Variants in NCKAP5 observed in about 807,000 individuals in gnomAD.
The protein encoded by NCKAP5 is NCK associated protein 5.
NCKAP5 carries 92 observed loss-of-function variants against 167.0 expected under a neutral mutation model. That is an observed-to-expected ratio of 0.55 (90% confidence interval 0.47 to 0.66). NCKAP5 has a LOEUF of 0.66. NCKAP5 is among the 30% of genes least tolerant of loss of function. The probability of loss-of-function intolerance (pLI) is 0.00; values close to 1 mark genes in which losing one functional copy is unlikely to be tolerated. For missense variants in NCKAP5, 2,378 were observed against 2,315.0 expected (o/e 1.03, Z -0.56); for synonymous variants, 891 against 877.4 (o/e 1.02, Z -0.27).
At chr2:132,950,408 G>A (rs894552248) in intron 8 of NCKAP5, among the ~76,000 whole-genome samples, 5 of 152,086 alleles carry the variant, frequency 3.3e-5, no homozygotes, top group Admixed American at 6.5e-5. Context: ...ATTACATGGC[G>A]ATGAGCATGG....
intron 4 of NCKAP5, among the ~76,000 whole-genome samples, chr2:133,232,279 C>G (rs1042372000): frequency 2.8e-4 from 43 of 152,236 alleles, no homozygotes; most frequent in African/African-American, 1.0e-3. Context: ...TGGCAACACT[C>G]TATCTCTAAA....
chr2:132,971,093 C>T (rs560468975), intron 7 of NCKAP5, among the ~76,000 whole-genome samples: 2 of 152,330 alleles, frequency 1.3e-5, no homozygotes, highest in South Asian at 4.1e-4. Flanking sequence ...GTGAAAAATA[C>T]ACGTGTGGCC....
intron 8 of NCKAP5, chr2:132,931,303 C>A (rs1184945924): frequency 1.3e-5 from 2 of 152,124 alleles, no homozygotes; most frequent in African/African-American, 4.8e-5. Context: ...TAATAACAGG[C>A]GAATAGACTA....
intron 8 of NCKAP5, among the ~76,000 whole-genome samples, chr2:132,919,381 G>A (rs1695131581): frequency 6.6e-6 from 1 of 152,112 alleles, no homozygotes; most frequent in African/African-American, 2.4e-5. Context: ...GACTGTGTCT[G>A]TCTATCTTGC....
At chr2:133,132,862 G>A (rs1358638518) in intron 5 of NCKAP5, among the ~76,000 whole-genome samples, 1 of 151,936 alleles carries the variant, frequency 6.6e-6, no homozygotes, top group Non-Finnish European at 1.5e-5. Flanking sequence ...ATTTTTAGTA[G>A]AGACAGGGTT....
At chr2:132,675,621 C>G (rs1018615882) in intron 19 of NCKAP5, among the ~76,000 whole-genome samples, 2 of 152,134 alleles carry the variant, frequency 1.3e-5, no homozygotes, top group Non-Finnish European at 2.9e-5. Flanking sequence ...TTGAGACCCA[C>G]TGGTCTAGAA....
intron 6 of NCKAP5, among the ~76,000 whole-genome samples, chr2:133,017,248 T>C (rs2078369947): frequency 6.6e-6 from 1 of 152,250 alleles, no homozygotes; most frequent in Non-Finnish European, 1.5e-5. Flanking sequence ...CTATTTGCCA[T>C]TAAATTAATC....
chr2:132,790,752 T>C (rs1202621525), intron 12 of NCKAP5, among the ~76,000 whole-genome samples: 2 of 152,224 alleles, frequency 1.3e-5, no homozygotes, highest in Non-Finnish European at 2.9e-5. Context: ...AAGGAAATCA[T>C]GATACTATTG....
chr2:132,846,949 A>G (rs778518173), intron 11 of NCKAP5, among the ~76,000 whole-genome samples: 5 of 130,170 alleles, frequency 3.8e-5, no homozygotes, highest in Non-Finnish European at 5.9e-5. Context: ...TATTTCATTA[A>G]TTAAGTAAAT....
intron 5 of NCKAP5, among the ~76,000 whole-genome samples, chr2:133,148,879 G>T (rs1426642913): frequency 6.6e-6 from 1 of 152,078 alleles, no homozygotes; most frequent in African/African-American, 2.4e-5. Context: ...CGAATTTTGG[G>T]AGGACACAAA....
chr2:132,783,534 T>C lies in NCKAP5; in HGVS notation c.3277A>G (p.Asn1093Asp). The change falls in exon 14 of 20, where the codon AAT becomes GAT. Residue 1093 changes from asparagine (N) to aspartate (D), a missense_variant. Transcript: ENST00000409261. ...TTGGGGGGTGTGGAGGCGCTATCAT[T>C]CAATTGTCCTTTTCTCCCTGGAGAT... The part of the protein sequence containing the change: ...SVSPGRKGQL[N>D]DSASTPPKPS... 1.2e-6 allele frequency: 2 copies of C among 1,613,636 alleles called. No homozygotes were observed. The highest frequency in any genetic ancestry group is 1.7e-6 in the Non-Finnish European group (2 of 1,179,762).
At chr2:133,526,165 G>GAGGGAGGAAGGA (rs1468279152) in intron 2 of NCKAP5, among the ~76,000 whole-genome samples, 6 of 69,874 alleles carry the variant, frequency 8.6e-5, no homozygotes, top group African/African-American at 3.5e-4. Flanking sequence ...GAAAGGGAAT[G>GAGGGAGGAAGGA]AGGAAGGAAG....
intron 8 of NCKAP5, among the ~76,000 whole-genome samples, chr2:132,920,802 T>TATAC (rs1170026894): frequency 9.5e-6 from 1 of 105,358 alleles, no homozygotes; most frequent in Non-Finnish European, 1.9e-5. Flanking sequence ...TATATATATA[T>TATAC]ATATATATAT....
At chr2:133,053,813 T>C (rs896105666) in intron 6 of NCKAP5, among the ~76,000 whole-genome samples, 1 of 152,224 alleles carries the variant, frequency 6.6e-6, no homozygotes, top group East Asian at 1.9e-4. Flanking sequence ...CCTTTAATTC[T>C]CCCTTTTCCT....
At chr2:132,879,046 G>A (rs2148814175) in intron 8 of NCKAP5, 130 bp from the exon 9 acceptor site, 2 of 717,658 alleles carry the variant, frequency 2.8e-6, no homozygotes, top group East Asian at 5.3e-5. Flanking sequence ...CCTATGACAA[G>A]TTCACTCTAA....
At chr2:133,469,790 C>T (rs1692908070) in intron 3 of NCKAP5, among the ~76,000 whole-genome samples, 1 of 151,782 alleles carries the variant, frequency 6.6e-6, no homozygotes, top group Non-Finnish European at 1.5e-5. Context: ...CCCTTTCTTC[C>T]AGTTGATCGC....
chr2:133,567,700 T>TGTG (rs1553444010), intron 1 of NCKAP5, among the ~76,000 whole-genome samples: 6 of 137,272 alleles, frequency 4.4e-5, no homozygotes, highest in African/African-American at 1.7e-4. Flanking sequence ...TGTGTGTGTG[T>TGTG]TTGGGGAGAG....
chr2:133,472,496 C>T (rs915890448), intron 3 of NCKAP5, among the ~76,000 whole-genome samples: 1 of 151,798 alleles, frequency 6.6e-6, no homozygotes, highest in Non-Finnish European at 1.5e-5. Context: ...TTTTAGGCTC[C>T]CCTCCACCAC....
chr2:132,831,087 T>A (rs1011558228), intron 11 of NCKAP5, among the ~76,000 whole-genome samples: 2 of 152,214 alleles, frequency 1.3e-5, no homozygotes, highest in Non-Finnish European at 2.9e-5. Flanking sequence ...TTTTATGTAA[T>A]AGAATATTTT....
Sources: gnomAD v4.1 joint callset for allele counts (sites outside exome capture counted in the v4.1 genomes callset) on GRCh38, gnomAD v4.1.1 for gene constraint, MANE v1.5 for transcripts, NCBI Gene and HGNC (gene_info 2026-07-23, HGNC 2026-07-21) for gene names.